CYP4F12: variants seen among roughly 807,000 people sequenced by gnomAD.
CYP4F12 encodes the protein cytochrome P450 4F12.
CYP4F12 carries 60 observed loss-of-function variants against 56.5 expected under a neutral mutation model. That is an observed-to-expected ratio of 1.06 (90% CI 0.86 to 1.32). CYP4F12 has a LOEUF of 1.32. CYP4F12 is among the 40% of genes most tolerant of loss of function. The probability of loss-of-function intolerance (pLI) is 0.00; values close to 1 mark genes in which losing one functional copy is unlikely to be tolerated. For synonymous variants in CYP4F12, 263 were observed against 264.9 expected, an observed-to-expected ratio of 0.99 and a Z score of 0.07; for missense variants, 711 against 683.5, an observed-to-expected ratio of 1.04 and a Z score of -0.45.
chr19:15,680,228 T>A lies in CYP4F12; in HGVS notation c.344-16T>A. The A allele has an allele frequency of 6.3e-7, 1 of 1,587,724 alleles. No homozygotes were observed. On this transcript the variant is annotated splice_polypyrimidine_tract_variant and intron_variant, in intron 3 of 12. Transcript: ENST00000550308. ...TTGCCCTCTACATGGCCCCTGATGG[T>A]CCTCGTTCATGTCAGCTGCCATTGC...
intron 5 of CYP4F12, chr19:15,681,129 G>A (rs981723517): frequency 1.2e-5 from 2 of 167,920 alleles, no homozygotes; most frequent in Non-Finnish European, 2.6e-5. Context: ...AATGTCTGTG[G>A]ACATTGTCTC....
Position 15,673,575 on chromosome 19 carries a change from A to G in CYP4F12, c.46A>G (p.Thr16Ala). The G allele has an allele frequency of 6.2e-7, 1 of 1,613,996 alleles. No individual in the cohort carries two copies. Among genetic ancestry groups the G allele is most frequent in the Non-Finnish European group, 8.5e-7 (1 of 1,179,992 alleles). The change falls in exon 2 of 13, where the codon ACG becomes GCG. Residue 16 changes from threonine to alanine, a missense_variant. Coordinates refer to ENST00000550308, the MANE Select transcript of CYP4F12 (RefSeq NM_023944.4). Reference protein sequence around the residue: ...LPWLGLRPVATSPWLLLLLVV... With the variant: ...LPWLGLRPVAASPWLLLLLVV... ...CTGGCTGGGCCTCAGACCGGTGGCA[A>G]CGTCCCCATGGCTACTCCTGCTGCT...
Position 15,678,415 on chromosome 19 carries a change from C to G in CYP4F12, c.343+10C>G. 6.2e-7 allele frequency: 1 copy of G among 1,614,018 alleles called. No individual in the cohort carries two copies. The highest frequency in any genetic ancestry group is 1.1e-5 in the South Asian group (1 of 91,060). On this transcript the variant is annotated intron_variant, in intron 3 of 12. Coordinates refer to ENST00000550308, the MANE Select transcript of CYP4F12 (RefSeq NM_023944.4). ...ATCACCAATGCCTCAGGTACCCATG[C>G]AGAGCTTGTGGTGGTGGGTGCCAGA...
At chr19:15,675,114 C>T (rs1475005393) in intron 2 of CYP4F12, among the ~76,000 whole-genome samples, 3 of 152,158 alleles carry the variant, frequency 2.0e-5, no homozygotes, top group Non-Finnish European at 4.4e-5. Flanking sequence ...GTGCTCTTCC[C>T]CAGTAAGATG....
chr19:15,677,590 C>T (rs1414200677), intron 2 of CYP4F12, among the ~76,000 whole-genome samples: 3,577 of 25,198 alleles, frequency 0.14, 958 homozygotes, highest in East Asian at 0.19. Flanking sequence ...GCTCATTCCT[C>T]TCCTCACTCA....
intron 9 of CYP4F12, among the ~76,000 whole-genome samples, chr19:15,686,386 T>C (rs647394): frequency 0.025 from 3,780 of 151,678 alleles, 36 homozygotes; most frequent in African/African-American, 0.088. Context: ...AAAAAGAAAG[T>C]CTGGGCAAAA....
intron 9 of CYP4F12, among the ~76,000 whole-genome samples, chr19:15,692,929 T>A (rs1034516573): frequency 2.2e-4 from 32 of 145,664 alleles, no homozygotes; most frequent in South Asian, 2.2e-4. Flanking sequence ...AAAAAAAAAA[T>A]TAGCTGGCTG....
chr19:15,693,057 A>G (rs6512058), intron 9 of CYP4F12, among the ~76,000 whole-genome samples: 43,198 of 151,950 alleles, frequency 0.28, 6,701 homozygotes, highest in African/African-American at 0.4. Flanking sequence ...CAGCCTGAGC[A>G]ACAGAGACTC....
At chr19:15,676,911 C>A (rs1203534641) in intron 2 of CYP4F12, among the ~76,000 whole-genome samples, 1 of 31,914 alleles carries the variant, frequency 3.1e-5, no homozygotes, top group South Asian at 1.4e-3. Flanking sequence ...TCATTCCTCT[C>A]CTCACTTACT....
At chr19:15,675,651 G>C (rs1226852855) in intron 2 of CYP4F12, among the ~76,000 whole-genome samples, 1 of 152,174 alleles carries the variant, frequency 6.6e-6, no homozygotes, top group East Asian at 1.9e-4. Context: ...CTCTGCTTTG[G>C]TATTTACCCT....
Position 15,682,512 on chromosome 19 carries a change from T to G in CYP4F12, c.647+2T>G, listed in dbSNP as rs1275737886. 1 of 1,612,816 alleles carries G rather than the reference T, an allele frequency of 6.2e-7. No homozygotes were observed. Among genetic ancestry groups the G allele is most frequent in the African/African-American group, 1.3e-5 (1 of 74,812 alleles). ...CAGCTTTGACAGCCATTGTCAGGAG[T>G]GAGTTCCTTCCTAGGGCCTGGGATA... On this transcript the variant is annotated splice_donor_variant, in intron 6 of 12. Transcript: ENST00000550308. LOFTEE classifies it high-confidence loss of function.
chr19:15,676,354 A>ACTCACTCATTCCTCTCCTC lies in CYP4F12; in HGVS notation c.199-1907_199-1906insCTCACTCATTCCTCTCCTC, dbSNP rs2006922021. 1.4e-3 allele frequency among the ~76,000 whole-genome samples: 41 copies of ACTCACTCATTCCTCTCCTC among 29,212 alleles called. 1 individual carries two copies. The highest frequency in any genetic ancestry group is 2.3e-3 in the South Asian group (2 of 888). The allele number at this position is 29,212 out of a possible 152,430, so 19.2% of individuals were successfully genotyped here. Reference sequence around the variant, plus strand: ...CTCCTCACTCACTCATTCTAATACCAACTCACTCATTCCTCTCCTCACTCA... The same window carrying ACTCACTCATTCCTCTCCTC: ...CTCCTCACTCACTCATTCTAATACCACTCACTCATTCCTCTCCTCACTCACTCATTCCTCTCCTCACTCA... On this transcript the variant is annotated intron_variant, in intron 2 of 12. Transcript: ENST00000550308.
intron 9 of CYP4F12, among the ~76,000 whole-genome samples, chr19:15,689,611 C>T (rs778391978): frequency 1.3e-5 from 2 of 152,188 alleles, no homozygotes; most frequent in Admixed American, 6.5e-5. Context: ...TAGGTATCCA[C>T]CCAAAGGAAA....
chr19:15,676,469 G>C (rs763884312), intron 2 of CYP4F12, among the ~76,000 whole-genome samples: 16 of 13,428 alleles, frequency 1.2e-3, no homozygotes, highest in East Asian at 0.031. Context: ...AGTCATTCCT[G>C]TCCTCACTCA....
intron 9 of CYP4F12, among the ~76,000 whole-genome samples, chr19:15,689,700 C>G (rs1039593589): frequency 3.3e-5 from 5 of 152,218 alleles, no homozygotes; most frequent in African/African-American, 7.2e-5. Flanking sequence ...CGGAACCAAC[C>G]TAACTGCCCA....
At chr19:15,675,998 C>A (rs1242697727) in intron 2 of CYP4F12, among the ~76,000 whole-genome samples, 1 of 152,162 alleles carries the variant, frequency 6.6e-6, no homozygotes, top group African/African-American at 2.4e-5. Context: ...AAGCCAGAAA[C>A]CAGGGACACT....
chr19:15,692,752 A>G (rs2007929573), intron 9 of CYP4F12, among the ~76,000 whole-genome samples: 1 of 152,188 alleles, frequency 6.6e-6, no homozygotes, highest in Non-Finnish European at 1.5e-5. Flanking sequence ...CCCAGGGGCT[A>G]TGAAAAAGTG....
Position 15,677,042 on chromosome 19 carries a change from C to T in CYP4F12, c.199-1219C>T, listed in dbSNP as rs184427031. Reference sequence around the variant, plus strand: ...TCACTCATTCCTCTCCTCACTCACTCATTCCTCCCCTCATTCAGTCATTCC... The same window carrying T: ...TCACTCATTCCTCTCCTCACTCACTTATTCCTCCCCTCATTCAGTCATTCC... On this transcript the variant is annotated intron_variant, in intron 2 of 12. Transcript: ENST00000550308. Among the ~76,000 whole-genome samples, 70 of 149,848 alleles carry T rather than the reference C, an allele frequency of 4.7e-4. 1 individual carries two copies. The highest frequency in any genetic ancestry group is 1.7e-3 in the African/African-American group (68 of 40,484).
intron 9 of CYP4F12, among the ~76,000 whole-genome samples, chr19:15,687,994 AG>A (rs2007701074): frequency 6.6e-6 from 1 of 152,200 alleles, no homozygotes; most frequent in Admixed American, 6.5e-5. Context: ...GGAGGCAAGC[AG>A]GAAGTGTGCT....
Sources: allele counts gnomAD v4.1 joint callset (sites outside exome capture counted in the v4.1 genomes callset), GRCh38; gene constraint gnomAD v4.1.1; transcripts MANE v1.5; gene names NCBI Gene and HGNC (gene_info 2026-07-23, HGNC 2026-07-21).